WDR7: variants seen among roughly 807,000 people sequenced by gnomAD.
The protein encoded by WDR7 is WD repeat domain 7, also known as WD repeat-containing protein 7.
A neutral mutation model predicts 169.4 loss-of-function variants in WDR7; 46 were observed. The ratio of observed to expected loss-of-function variants is 0.27; its 90% CI spans 0.21 to 0.35. The LOEUF is 0.35. Among genes scored for constraint, WDR7 ranks in the 10% least tolerant of loss-of-function variants. The probability of loss-of-function intolerance (pLI) is 1.00; values close to 1 mark genes in which losing one functional copy is unlikely to be tolerated. For missense variants in WDR7, 1,534 were observed against 1,859.3 expected (o/e 0.83, Z 3.22); for synonymous variants, 612 against 666.8 (o/e 0.92, Z 1.27).
chr18:56,783,641 G>A (rs1032177172), intron 19 of WDR7, among the ~76,000 whole-genome samples: 1 of 152,182 alleles, frequency 6.6e-6, no homozygotes, highest in Admixed American at 6.6e-5. Context: ...CTAGCTGGCA[G>A]GCTATTGCAG....
intron 26 of WDR7, among the ~76,000 whole-genome samples, chr18:56,970,830 G>T (rs775320974): frequency 1.3e-5 from 2 of 152,118 alleles, no homozygotes; most frequent in Admixed American, 6.5e-5. Flanking sequence ...TGAATATTTG[G>T]TTTTTTAGGG....
intron 9 of WDR7, among the ~76,000 whole-genome samples, chr18:56,692,685 T>G (rs1389054083): frequency 2.0e-5 from 3 of 151,978 alleles, no homozygotes; most frequent in Non-Finnish European, 4.4e-5. Context: ...TAAGGAATAA[T>G]GACTTGTATA....
At chr18:56,745,575 A>G (rs1443199348) in intron 14 of WDR7, among the ~76,000 whole-genome samples, 1 of 152,078 alleles carries the variant, frequency 6.6e-6, no homozygotes, top group Non-Finnish European at 1.5e-5. Context: ...GCCACTGCTG[A>G]TATGACAGGA....
At chr18:56,857,203 A>G (rs1299820320) in intron 20 of WDR7, among the ~76,000 whole-genome samples, 1 of 152,184 alleles carries the variant, frequency 6.6e-6, no homozygotes, top group African/African-American at 2.4e-5. Context: ...CTGATATAGT[A>G]TTCTTCCTCA....
chr18:56,768,733 A>G (rs1045655505), intron 16 of WDR7, among the ~76,000 whole-genome samples: 1 of 152,096 alleles, frequency 6.6e-6, no homozygotes, highest in African/African-American at 2.4e-5. Context: ...GACTTCCTCT[A>G]CTGTGCACAT....
chr18:56,708,669 T>G (rs1351451928), intron 12 of WDR7, among the ~76,000 whole-genome samples: 1 of 152,154 alleles, frequency 6.6e-6, no homozygotes, highest in Non-Finnish European at 1.5e-5. Context: ...GCGCGGTGGC[T>G]GACGCCTGTG....
rs912542840 is a variant in WDR7, at chr18:57,029,761, A to C, written c.*2554A>C. ...ATGTGTGCTGAATGTTCCTGTGTAC[A>C]TATGTGTGTTAAATAAAACAATTGT... On this transcript the variant is annotated 3_prime_UTR_variant, in exon 28 of 28. Coordinates refer to ENST00000254442, the MANE Select transcript of WDR7 (RefSeq NM_015285.3). The C allele has an allele frequency of 1.3e-5, 2 of 152,334 alleles. No homozygotes were observed. Among genetic ancestry groups the C allele is most frequent in the East Asian group, 3.9e-4 (2 of 5,188 alleles). The allele number at this position is 152,334 out of a possible 1,614,324, so 9.4% of individuals were successfully genotyped here.
Position 56,666,224 on chromosome 18 carries a change from C to T in WDR7, c.-19-6273C>T, listed in dbSNP as rs12960543. ...GTCTTTTTTTTTTTTTTTTTTTGAG[C>T]CGCAGTTTCACTCTTGTTGCCCAGG... On this transcript the variant is annotated intron_variant, in intron 1 of 27. Coordinates refer to ENST00000254442, the MANE Select transcript of WDR7 (RefSeq NM_015285.3). 5.1e-3 allele frequency among the ~76,000 whole-genome samples: 27 copies of T among 5,292 alleles called. 1 individual carries two copies. The highest frequency in any genetic ancestry group is 6.0e-3 in the African/African-American group (26 of 4,306). 3.5% of individuals were successfully genotyped at this position (5,292 alleles called of 152,430 possible).
In WDR7 at chr18:56,764,285, T is replaced by G. The variant is rs559352724; in HGVS notation, c.2848+5332T>G. On this transcript the variant is annotated intron_variant, in intron 16 of 27. Transcript: ENST00000254442. ...TACCCATGGATAATTTAGTAATCAG[T>G]TAATATAATTTCCAAACACTTGTGG... Among the ~76,000 whole-genome samples the G allele has an allele frequency of 4.6e-5, 7 of 152,286 alleles. No homozygotes were observed. In the South Asian group the frequency reaches 1.4e-3, roughly 32 times the overall value.
At position 56,730,131 on chromosome 18, in the gene WDR7, G is replaced by T. The variant is rs142317140; in HGVS notation, c.1775-1252G>T. Reference sequence around the variant, plus strand: ...TTACTCTGTGCCTCCAATGTGCTGGGCACTGTTCAGTGTACCAGGGATACA... The same window carrying T: ...TTACTCTGTGCCTCCAATGTGCTGGTCACTGTTCAGTGTACCAGGGATACA... On this transcript the variant is annotated intron_variant, in intron 13 of 27. Transcript: ENST00000254442. Among the ~76,000 whole-genome samples, 482 of 152,234 alleles carry T rather than the reference G, an allele frequency of 3.2e-3. 3 individuals carry two copies. Among genetic ancestry groups the T allele is most frequent in the Non-Finnish European group, 5.3e-3 (363 of 67,992 alleles).
At chr18:56,717,796 G>C (rs1322628349) in intron 12 of WDR7, among the ~76,000 whole-genome samples, 168 bp from the exon 13 acceptor site, 1 of 152,024 alleles carries the variant, frequency 6.6e-6, no homozygotes, top group Non-Finnish European at 1.5e-5. Flanking sequence ...GATTGATCTG[G>C]GTTTTATGTA....
chr18:56,803,403 T>C (rs372755476), intron 19 of WDR7, among the ~76,000 whole-genome samples: 2 of 152,230 alleles, frequency 1.3e-5, no homozygotes, highest in East Asian at 3.8e-4. Flanking sequence ...TGTGTGTGTA[T>C]GTGTTTAGAT....
chr18:56,869,310 A>G (rs1365289729), intron 20 of WDR7, among the ~76,000 whole-genome samples: 2 of 152,332 alleles, frequency 1.3e-5, no homozygotes, highest in East Asian at 3.9e-4. Flanking sequence ...AGAATGGCTT[A>G]ATCAGCAGCT....
chr18:56,689,353 C>T (rs1390272525), intron 7 of WDR7, among the ~76,000 whole-genome samples: 1 of 152,180 alleles, frequency 6.6e-6, no homozygotes, highest in Non-Finnish European at 1.5e-5. Flanking sequence ...CTCTGCCTCT[C>T]AGGTTCAAGG....
intron 19 of WDR7, among the ~76,000 whole-genome samples, chr18:56,793,650 C>T (rs542139585): frequency 6.6e-6 from 1 of 152,188 alleles, no homozygotes; most frequent in East Asian, 1.9e-4. Flanking sequence ...TTCTTTTTAT[C>T]ATTGGTTATA....
chr18:57,015,601 C>T (rs1396018062), intron 26 of WDR7, among the ~76,000 whole-genome samples: 1 of 152,210 alleles, frequency 6.6e-6, no homozygotes, highest in Non-Finnish European at 1.5e-5. Flanking sequence ...GCCAGCCAGC[C>T]ATGAAATCTA....
intron 20 of WDR7, among the ~76,000 whole-genome samples, chr18:56,856,811 C>T (rs896711511): frequency 3.3e-5 from 5 of 152,086 alleles, no homozygotes; most frequent in Admixed American, 6.6e-5. Context: ...CCTCCTGCCT[C>T]CTCCCCTAGT....
At chr18:56,812,255 A>T (rs550791258) in intron 19 of WDR7, among the ~76,000 whole-genome samples, 2 of 152,346 alleles carry the variant, frequency 1.3e-5, no homozygotes, top group South Asian at 2.1e-4. Context: ...GCTTTAAAAA[A>T]ATTAGGTGTC....
intron 21 of WDR7, among the ~76,000 whole-genome samples, chr18:56,897,640 A>G (rs911166604): frequency 6.6e-6 from 1 of 151,996 alleles, no homozygotes; most frequent in African/African-American, 2.4e-5. Context: ...GTTGTCACAT[A>G]AAAATTATGC....
Sources: allele counts gnomAD v4.1 joint callset (sites outside exome capture counted in the v4.1 genomes callset), GRCh38; gene constraint gnomAD v4.1.1; transcripts MANE v1.5; gene names NCBI Gene and HGNC (gene_info 2026-07-23, HGNC 2026-07-21).